The following PRKN variants were observed in gnomAD, a reference collection of about 807,000 sequenced individuals.
The protein encoded by PRKN is E3 ubiquitin-protein ligase parkin.
PRKN carries 56 observed loss-of-function variants against 59.5 expected under a neutral mutation model. The observed-to-expected ratio is 0.94, with a 90% CI of 0.76 to 1.18. The LOEUF is 1.18. PRKN is among the 50% of genes most tolerant of loss of function. The pLI, the probability that PRKN is intolerant of heterozygous loss-of-function variation, is 0.00. For missense variants in PRKN, 657 were observed against 596.4 expected (o/e 1.10, Z -1.06); for synonymous variants, 250 against 222.1 (o/e 1.13, Z -1.12).
intron 1 of PRKN, among the ~76,000 whole-genome samples, chr6:162,648,102 G>A (rs938491064): frequency 1.3e-5 from 2 of 152,014 alleles, no homozygotes; most frequent in Middle Eastern, 3.2e-3. Flanking sequence ...GAGGAAAGGT[G>A]TAAAAAGACG....
At chr6:162,013,766 AAAAAC>A (rs1403006849) in intron 5 of PRKN, among the ~76,000 whole-genome samples, 23 of 152,210 alleles carry the variant, frequency 1.5e-4, no homozygotes, top group African/African-American at 5.5e-4. Flanking sequence ...AACTCAGAAC[AAAAAC>A]AAAACTACTT....
At chr6:161,799,468 G>A (rs973715407) in intron 6 of PRKN, among the ~76,000 whole-genome samples, 3 of 152,188 alleles carry the variant, frequency 2.0e-5, no homozygotes, top group African/African-American at 7.2e-5. Flanking sequence ...CCAGAGTTAG[G>A]CTCATCCGTT....
chr6:162,132,668 T>C (rs1192366735), intron 4 of PRKN, among the ~76,000 whole-genome samples: 1 of 151,944 alleles, frequency 6.6e-6, no homozygotes, highest in Non-Finnish European at 1.5e-5. Flanking sequence ...GAAGTGGAAA[T>C]GGGGAGGCAG....
chr6:161,924,742 TA>T, intron 6 of PRKN, among the ~76,000 whole-genome samples: 1 of 152,140 alleles, frequency 6.6e-6, no homozygotes, highest in Middle Eastern at 3.4e-3. Flanking sequence ...TTTAAGCTGT[TA>T]AAAAAAATGA....
intron 1 of PRKN, among the ~76,000 whole-genome samples, chr6:162,505,973 A>C (rs1793590347): frequency 6.6e-6 from 1 of 152,196 alleles, no homozygotes; most frequent in African/African-American, 2.4e-5. Flanking sequence ...AGGGGCAACA[A>C]GTTCCTATAT....
chr6:162,556,368 T>TGTGCGC (rs1225518749), intron 1 of PRKN, among the ~76,000 whole-genome samples: 7 of 98,054 alleles, frequency 7.1e-5, no homozygotes, highest in South Asian at 4.2e-4. Flanking sequence ...TGTGTGTGTG[T>TGTGCGC]GTGTGTGTGT....
intron 2 of PRKN, among the ~76,000 whole-genome samples, chr6:162,292,494 A>G (rs1366762228): frequency 2.6e-5 from 4 of 152,196 alleles, no homozygotes; most frequent in Non-Finnish European, 5.9e-5. Flanking sequence ...CCAGGCAAAC[A>G]GAGGGTCAAG....
At chr6:162,050,913 C>T (rs922321481) in intron 5 of PRKN, among the ~76,000 whole-genome samples, 1 of 152,082 alleles carries the variant, frequency 6.6e-6, no homozygotes, top group African/African-American at 2.4e-5. Context: ...GACAGGGAGG[C>T]CCAGCTCTGA....
intron 9 of PRKN, among the ~76,000 whole-genome samples, chr6:161,486,271 A>G (rs1791639024): frequency 1.3e-5 from 2 of 151,954 alleles, no homozygotes; most frequent in African/African-American, 4.8e-5. Context: ...ACCTCATTTT[A>G]CAATTTTGTA....
chr6:161,524,614 T>A (rs1213930864), intron 9 of PRKN, among the ~76,000 whole-genome samples: 1 of 152,128 alleles, frequency 6.6e-6, no homozygotes, highest in African/African-American at 2.4e-5. Flanking sequence ...TAGTTTAAAT[T>A]GAAGGTTTTG....
intron 2 of PRKN, among the ~76,000 whole-genome samples, chr6:162,345,474 C>A (rs1240261402): frequency 3.3e-5 from 5 of 152,142 alleles, no homozygotes; most frequent in African/African-American, 1.2e-4. Flanking sequence ...AACAAAAGAA[C>A]TGATTGTTCG....
chr6:161,660,965 A>C (rs1582963599), intron 7 of PRKN, among the ~76,000 whole-genome samples: 2 of 151,844 alleles, frequency 1.3e-5, no homozygotes, highest in South Asian at 4.2e-4. Context: ...GCCATCTTTC[A>C]CTCTGCTGCC....
At position 161,497,018 on chromosome 6, in the gene PRKN, T is replaced by C. The variant is rs1159642226; in HGVS notation, c.1083+51836A>G. Among the ~76,000 whole-genome samples, 1 of 152,170 alleles carries C rather than the reference T, an allele frequency of 6.6e-6. No individual in the cohort carries two copies. Among genetic ancestry groups the C allele is most frequent in the Non-Finnish European group, 1.5e-5 (1 of 68,020 alleles). On this transcript the variant is annotated intron_variant, in intron 9 of 11. Transcript: ENST00000366898. This position sits in a 1 kb window ranked among gnomAD's most constrained non-coding sequence, Gnocchi z 4.6. Reference sequence around the variant, plus strand: ...ACGCCACCCGGCTTGTGGCACTTTATAATGGCAGCCCTAGGAGCAAATACA... The same window carrying C: ...ACGCCACCCGGCTTGTGGCACTTTACAATGGCAGCCCTAGGAGCAAATACA...
Position 161,544,995 on chromosome 6 carries a change from C to G in PRKN, c.1083+3859G>C. On this transcript the variant is annotated intron_variant, in intron 9 of 11. Coordinates refer to ENST00000366898, the MANE Select transcript of PRKN (RefSeq NM_004562.3). This position sits in a 1 kb window ranked among gnomAD's most constrained non-coding sequence, Gnocchi z 5.5. ...ACAGAAACCACAGCTGTGCGGAAGACCACCCAGGTACATGGTCGTGGGTGA... is the reference window on the plus strand; with the variant it reads ...ACAGAAACCACAGCTGTGCGGAAGAGCACCCAGGTACATGGTCGTGGGTGA... The G allele has an allele frequency of 4.4e-6, 1 of 225,238 alleles. No homozygotes were observed. Among genetic ancestry groups the G allele is most frequent in the Non-Finnish European group, 8.0e-6 (1 of 125,462 alleles). The allele number at this position is 225,238 out of a possible 1,614,324, so 14.0% of individuals were successfully genotyped here.
intron 4 of PRKN, among the ~76,000 whole-genome samples, chr6:162,128,540 T>TA (rs1237958528): frequency 6.6e-6 from 1 of 152,186 alleles, no homozygotes; most frequent in Non-Finnish European, 1.5e-5. Context: ...TCTCACACCT[T>TA]ACTATAGGAG....
At chr6:162,256,960 T>A (rs1779662566) in intron 3 of PRKN, among the ~76,000 whole-genome samples, 1 of 152,230 alleles carries the variant, frequency 6.6e-6, no homozygotes, top group East Asian at 1.9e-4. Context: ...TATTTCTTTA[T>A]GTTTCAAAAC....
intron 5 of PRKN, among the ~76,000 whole-genome samples, chr6:161,983,770 G>C (rs1005430327): frequency 4.3e-5 from 4 of 92,006 alleles, no homozygotes; most frequent in African/African-American, 9.4e-5. Flanking sequence ...GTCGGGGGAG[G>C]GGGGAGGGAT....
Position 162,098,512 on chromosome 6 carries a change from G to A in PRKN, c.535-44338C>T, listed in dbSNP as rs113879482. ...TATTTGGACACTAAGCTGCTACTTA[G>A]GACTCCCAGAAACCCCATGCCTATG... is the stretch of plus-strand genomic sequence containing the variant. On this transcript the variant is annotated intron_variant, in intron 4 of 11. Coordinates refer to ENST00000366898, the MANE Select transcript of PRKN (RefSeq NM_004562.3). Among the ~76,000 whole-genome samples the A allele has an allele frequency of 4.5e-3, 690 of 152,222 alleles. 5 individuals are homozygous for A. The highest frequency in any genetic ancestry group is 0.016 in the African/African-American group (645 of 41,540).
chr6:162,088,558 C>A (rs145004075), intron 4 of PRKN, among the ~76,000 whole-genome samples: 1 of 152,194 alleles, frequency 6.6e-6, no homozygotes, highest in East Asian at 1.9e-4. Context: ...AAAGAGATTA[C>A]AATCTGGATC....
Sources: allele counts gnomAD v4.1 joint callset (sites outside exome capture counted in the v4.1 genomes callset), GRCh38; gene constraint gnomAD v4.1.1; non-coding constraint Gnocchi (gnomAD v3.1); transcripts MANE v1.5; gene names NCBI Gene and HGNC (gene_info 2026-07-23, HGNC 2026-07-21).